The following GRM8 variants were observed in gnomAD, a reference collection of about 807,000 sequenced individuals.
The protein encoded by GRM8 is metabotropic glutamate receptor 8.
GRM8 carries 47 observed loss-of-function variants against 87.2 expected under a neutral mutation model. The ratio of observed to expected loss-of-function variants is 0.54; its 90% CI spans 0.43 to 0.69. The LOEUF is 0.69. Ranked by LOEUF, GRM8 falls within the 30% of genes least tolerant of loss-of-function variation. The pLI, the probability that GRM8 is intolerant of heterozygous loss-of-function variation, is 0.00. For missense variants in GRM8, 1,019 were observed against 1,139.2 expected (o/e 0.89, Z 1.52); for synonymous variants, 396 against 404.5 (o/e 0.98, Z 0.25).
intron 2 of GRM8, among the ~76,000 whole-genome samples, chr7:127,240,740 A>G (rs753384444): frequency 6.6e-6 from 1 of 152,088 alleles, no homozygotes; most frequent in Non-Finnish European, 1.5e-5. Context: ...CAGAGAGAAG[A>G]GTTACAGAAA....
intron 7 of GRM8, among the ~76,000 whole-genome samples, chr7:126,760,621 A>G (rs1817493212): frequency 6.6e-6 from 1 of 152,218 alleles, no homozygotes; most frequent in Non-Finnish European, 1.5e-5. Context: ...ATAAATTTTT[A>G]AAAAGTGAAT....
intron 3 of GRM8, among the ~76,000 whole-genome samples, chr7:127,083,354 T>C (rs1823079867): frequency 6.6e-6 from 1 of 152,124 alleles, no homozygotes; most frequent in African/African-American, 2.4e-5. Flanking sequence ...AAGGTCTTCC[T>C]ACTAGTCACC....
intron 8 of GRM8, among the ~76,000 whole-genome samples, chr7:126,539,465 T>A (rs996677980): frequency 3.3e-5 from 5 of 151,922 alleles, no homozygotes; most frequent in Admixed American, 3.3e-4. Flanking sequence ...TATGGAAATA[T>A]AAGGGACCCA....
At chr7:127,098,537 A>G (rs1824899251) in intron 3 of GRM8, among the ~76,000 whole-genome samples, 2 of 152,154 alleles carry the variant, frequency 1.3e-5, no homozygotes, top group African/African-American at 2.4e-5. Flanking sequence ...TCAATTGTAC[A>G]CTAGGGATGA....
rs79054683 is a variant in GRM8, at chr7:126,743,019, T to C, written c.1357+26846A>G. ...GGTATTCAACACAAATTTGTTGAAATCATATTTATGCACTGGGGACTGCAA... is the reference window on the plus strand; with the variant it reads ...GGTATTCAACACAAATTTGTTGAAACCATATTTATGCACTGGGGACTGCAA... On this transcript the variant is annotated intron_variant, in intron 7 of 10. Coordinates refer to ENST00000339582, the MANE Select transcript of GRM8 (RefSeq NM_000845.3). 3.1e-3 allele frequency among the ~76,000 whole-genome samples: 471 copies of C among 152,186 alleles called. 5 individuals carry two copies. Among genetic ancestry groups the C allele is most frequent in the Admixed American group, 0.018 (277 of 15,268 alleles).
At chr7:126,948,081 G>C (rs1807738001) in intron 3 of GRM8, among the ~76,000 whole-genome samples, 1 of 152,136 alleles carries the variant, frequency 6.6e-6, no homozygotes, top group Non-Finnish European at 1.5e-5. Flanking sequence ...CACTATGCTA[G>C]GCGCTAGGGA....
chr7:126,473,858 T>C (rs1182746953), intron 9 of GRM8, among the ~76,000 whole-genome samples: 2 of 152,064 alleles, frequency 1.3e-5, no homozygotes, highest in African/African-American at 4.8e-5. Context: ...AAAGGACAGT[T>C]ACCCTGAACA....
chr7:127,059,340 T>G (rs544448433), intron 3 of GRM8, among the ~76,000 whole-genome samples: 184 of 148,550 alleles, frequency 1.2e-3, no homozygotes, highest in African/African-American at 4.2e-3. Context: ...GCTTTTTTTT[T>G]TTTTTGTTTT....
intron 7 of GRM8, among the ~76,000 whole-genome samples, chr7:126,743,446 T>A (rs1172209605): frequency 6.6e-6 from 1 of 152,018 alleles, no homozygotes; most frequent in Non-Finnish European, 1.5e-5. Context: ...TAGACAAGTG[T>A]CTTAAACTAT....
chr7:126,637,583 T>TA (rs1295963441), intron 7 of GRM8, among the ~76,000 whole-genome samples: 1 of 152,198 alleles, frequency 6.6e-6, no homozygotes, highest in African/African-American at 2.4e-5. Context: ...TGTTGAAAGA[T>TA]ACTTATTTCT....
chr7:126,850,724 G>A (rs1332789137), intron 6 of GRM8, among the ~76,000 whole-genome samples: 1 of 152,168 alleles, frequency 6.6e-6, no homozygotes, highest in African/African-American at 2.4e-5. Flanking sequence ...AATCGAAATA[G>A]GAAGATAGTT....
At chr7:127,199,526 AG>A (rs1795475560) in intron 2 of GRM8, among the ~76,000 whole-genome samples, 1 of 152,244 alleles carries the variant, frequency 6.6e-6, no homozygotes, top group Non-Finnish European at 1.5e-5. Flanking sequence ...ACATGATAAA[AG>A]TCAGGTTCCA....
At chr7:126,659,556 C>T (rs575700629) in intron 7 of GRM8, among the ~76,000 whole-genome samples, 3 of 152,224 alleles carry the variant, frequency 2.0e-5, no homozygotes, top group African/African-American at 7.2e-5. Flanking sequence ...TCACTGTTAA[C>T]AATTTGGTGC....
chr7:127,193,346 G>A (rs1028910767), intron 2 of GRM8, among the ~76,000 whole-genome samples: 2 of 152,194 alleles, frequency 1.3e-5, no homozygotes, highest in South Asian at 4.1e-4. Context: ...CAATGGAAGA[G>A]AGAGTTTACA....
At chr7:127,185,851 A>G (rs1587227244) in intron 2 of GRM8, among the ~76,000 whole-genome samples, 1 of 152,316 alleles carries the variant, frequency 6.6e-6, no homozygotes, top group African/African-American at 2.4e-5. Flanking sequence ...AAAAAATTTT[A>G]CCCACTTAAT....
At chr7:126,623,397 G>T (rs1563025460) in intron 7 of GRM8, among the ~76,000 whole-genome samples, 1 of 151,990 alleles carries the variant, frequency 6.6e-6, no homozygotes, top group African/African-American at 2.4e-5. Flanking sequence ...AAATATTGAG[G>T]TACTTTATGC....
chr7:126,548,083 T>G (rs1817359801), intron 8 of GRM8, among the ~76,000 whole-genome samples: 1 of 152,092 alleles, frequency 6.6e-6, no homozygotes, highest in South Asian at 2.1e-4. Context: ...GCTGTCCACC[T>G]AGACAGGTAC....
chr7:126,661,997 T>C (rs972330773), intron 7 of GRM8, among the ~76,000 whole-genome samples: 1 of 150,194 alleles, frequency 6.7e-6, no homozygotes, highest in Non-Finnish European at 1.5e-5. Context: ...AAGGTATTGT[T>C]ATTAACTGTT....
Position 126,887,349 on chromosome 7 carries a change from C to A in GRM8, c.1156+15193G>T, listed in dbSNP as rs543695576. 5.9e-5 allele frequency among the ~76,000 whole-genome samples: 9 copies of A among 152,208 alleles called. 1 individual carries two copies. Among genetic ancestry groups the A allele is most frequent in the African/African-American group, 2.2e-4 (9 of 41,536 alleles). On this transcript the variant is annotated intron_variant, in intron 6 of 10. Coordinates refer to ENST00000339582, the MANE Select transcript of GRM8 (RefSeq NM_000845.3). ...TTGCCATGTTAAAGATACTACTGAG[C>A]TGCCCAGAGAGCAGTCAAGGAAAAA...
Sources: allele counts gnomAD v4.1 joint callset (sites outside exome capture counted in the v4.1 genomes callset), GRCh38; gene constraint gnomAD v4.1.1; transcripts MANE v1.5; gene names NCBI Gene and HGNC (gene_info 2026-07-23, HGNC 2026-07-21).